The following EPHB3 variants were observed in gnomAD, a reference collection of about 807,000 sequenced individuals.
EPHB3 encodes EPH receptor B3.
Under a neutral mutation model 100.2 loss-of-function variants are expected in EPHB3, and 33 were observed. The observed-to-expected ratio is 0.33, with a 90% confidence interval of 0.25 to 0.44. The LOEUF is 0.44. Among genes scored for constraint, EPHB3 ranks in the 20% least tolerant of loss-of-function variants. The pLI, the probability that EPHB3 is intolerant of heterozygous loss-of-function variation, is 1.00. For missense variants in EPHB3, 1,045 were observed against 1,378.3 expected (o/e 0.76, Z 3.83); for synonymous variants, 526 against 554.7 (o/e 0.95, Z 0.73).
At chr3:184,567,480 G>GGTGT (rs58429187) in intron 1 of EPHB3, among the ~76,000 whole-genome samples, 16,639 of 148,612 alleles carry the variant, frequency 0.11, 948 homozygotes, top group Middle Eastern at 0.16. Context: ...ATGCTTGCAG[G>GGTGT]GTGTGTGTGT....
rs750141705 is a variant in EPHB3, at chr3:184,581,611, G to A, written c.2986G>A (p.Val996Met). 35 of 1,611,024 alleles carry A rather than the reference G, an allele frequency of 2.2e-5. No homozygotes were observed. The highest frequency in any genetic ancestry group is 3.0e-5 in the Non-Finnish European group (35 of 1,178,716). Residue 996 changes from valine (V) to methionine (M), a missense_variant, in exon 16 of 16, where the codon GTG becomes ATG. By Grantham distance (21) the Val-to-Met change is conservative. Coordinates refer to ENST00000330394, the MANE Select transcript of EPHB3 (RefSeq NM_004443.4). The part of the protein sequence containing the change: ...MRLQMNQTLP[V>M]QV ...GCTGCAGATGAACCAGACGCTGCCT[G>A]TGCAGGTCTGACACCGGCTCCCACG... is the stretch of plus-strand genomic sequence containing the variant.
At chr3:184,580,372 G>T in intron 11 of EPHB3, 30 bp from the exon 12 acceptor site, 1 of 1,613,920 alleles carries the variant, frequency 6.2e-7, no homozygotes, top group Non-Finnish European at 8.5e-7. Context: ...GGGAGCAATG[G>T]GCTCACCTGA....
chr3:184,579,614 G>T lies in EPHB3; in HGVS notation c.1924+15G>T, dbSNP rs1714769195. ...GATCGGAGCTGGTGAGTCTCCCGGG[G>T]CACAGTAGAGATGAGAAGCTGAGGC... On this transcript the variant is annotated intron_variant, in intron 10 of 15. Coordinates refer to ENST00000330394, the MANE Select transcript of EPHB3 (RefSeq NM_004443.4). The surrounding 1 kb of genome is among the most constrained non-coding windows in gnomAD (Gnocchi z 5.2). 6.2e-7 allele frequency: 1 copy of T among 1,613,682 alleles called. No homozygotes were observed. The highest frequency in any genetic ancestry group is 1.7e-5 in the Admixed American group (1 of 59,976).
rs1210228292 is a variant in EPHB3 at position 184,573,219 on chromosome 3, T to C, written c.856+43T>C. The C allele has an allele frequency of 6.2e-7, 1 of 1,602,450 alleles. No homozygotes were observed. The highest frequency in any genetic ancestry group is 1.1e-5 in the South Asian group (1 of 90,986). On this transcript the variant is annotated intron_variant, in intron 3 of 15. Transcript: ENST00000330394. The surrounding 1 kb of genome is among the most constrained non-coding windows in gnomAD (Gnocchi z 4.5). The stretch of plus-strand genomic sequence containing the variant: ...TGGGGAAAGGGTTGTCGGGAGGGCC[T>C]GGGCCACAGCTACCTACCGCCCCGC...
chr3:184,570,997 C>G (rs1414497647), intron 1 of EPHB3, among the ~76,000 whole-genome samples: 1 of 151,106 alleles, frequency 6.6e-6, no homozygotes, highest in East Asian at 1.9e-4. Context: ...TCTCTGTTGC[C>G]CAGGGTGGAG....
chr3:184,573,266 T>C lies in EPHB3; in HGVS notation c.856+90T>C. Reference sequence around the variant, plus strand: ...CCGCCCCCCACCCCTGCTTGCTATCTGACTAGGAGGTCTGGGAGCAGGTCC... The same window carrying C: ...CCGCCCCCCACCCCTGCTTGCTATCCGACTAGGAGGTCTGGGAGCAGGTCC... On this transcript the variant is annotated intron_variant, in intron 3 of 15. Transcript: ENST00000330394. This position sits in a 1 kb window ranked among gnomAD's most constrained non-coding sequence, Gnocchi z 4.5. The C allele has an allele frequency of 6.6e-7, 1 of 1,525,396 alleles. No homozygotes were observed. The highest frequency in any genetic ancestry group is 1.2e-5 in the South Asian group (1 of 85,140). 94.5% of individuals were successfully genotyped at this position (1,525,396 alleles called of 1,614,324 possible).
Position 184,573,303 on chromosome 3 carries a change from A to C in EPHB3, c.856+127A>C, listed in dbSNP as rs1263656056. The C allele has an allele frequency of 8.5e-7, 1 of 1,176,796 alleles. No homozygotes were observed. Among genetic ancestry groups the C allele is most frequent in the East Asian group, 2.5e-5 (1 of 39,278 alleles). The allele number at this position is 1,176,796 out of a possible 1,614,324, so 72.9% of individuals were successfully genotyped here. On this transcript the variant is annotated intron_variant, in intron 3 of 15. Transcript: ENST00000330394. This position sits in a 1 kb window ranked among gnomAD's most constrained non-coding sequence, Gnocchi z 4.5. ...CTGGGAGCAGGTCCACAGTGGAGGC[A>C]GGAGAGGGAAGAGTGGGGATCAGAT...
At chr3:184,576,506 A>G (rs758560752) in intron 4 of EPHB3, among the ~76,000 whole-genome samples, 10 of 152,216 alleles carry the variant, frequency 6.6e-5, no homozygotes, top group Non-Finnish European at 1.0e-4. Flanking sequence ...AAAGGAGCTC[A>G]CAACCTGGTG....
In EPHB3 at chr3:184,565,438, T is replaced by C. The variant is rs1714361545; in HGVS notation, c.118+3085T>C. Among the ~76,000 whole-genome samples the C allele has an allele frequency of 6.6e-6, 1 of 152,120 alleles. No individual in the cohort carries two copies. Among genetic ancestry groups the C allele is most frequent in the Admixed American group, 6.5e-5 (1 of 15,278 alleles). The stretch of plus-strand genomic sequence containing the variant: ...AACCCCAGCACCCCTATACTTGGGA[T>C]AGGATGGAGAGATCCCCGCTGGGAA... On this transcript the variant is annotated intron_variant, in intron 1 of 15. Transcript: ENST00000330394. This position sits in a 1 kb window ranked among gnomAD's most constrained non-coding sequence, Gnocchi z 4.8.
intron 1 of EPHB3, among the ~76,000 whole-genome samples, chr3:184,567,480 G>GGGGT (rs1258116924): frequency 6.7e-6 from 1 of 148,664 alleles, no homozygotes; most frequent in Non-Finnish European, 1.5e-5. Flanking sequence ...ATGCTTGCAG[G>GGGGT]GTGTGTGTGT....
Position 184,581,877 on chromosome 3 carries a change from C to T in EPHB3, c.*255C>T, listed in dbSNP as rs1714832015. 1 of 437,316 alleles carries T rather than the reference C, an allele frequency of 2.3e-6. No individual in the cohort carries two copies. Among genetic ancestry groups the T allele is most frequent in the African/African-American group, 2.0e-5 (1 of 50,274 alleles). The allele number at this position is 437,316 out of a possible 1,614,324, so 27.1% of individuals were successfully genotyped here. A position where few individuals can be genotyped will look rare whatever the true frequency, so the allele number is the denominator to read the frequency against. The stretch of plus-strand genomic sequence containing the variant: ...CCAAGCCCCTCAGGGCCCAGACCTT[C>T]CTGCTCTCCAGCAGGGGATCCCCAC... On this transcript the variant is annotated 3_prime_UTR_variant, in exon 16 of 16. Transcript: ENST00000330394.
rs113862738 is a variant in EPHB3 at position 184,578,952 on chromosome 3, G to C, written c.1801+486G>C. 0.036 allele frequency among the ~76,000 whole-genome samples: 5,497 copies of C among 152,166 alleles called. 129 individuals carry two copies. The highest frequency in any genetic ancestry group is 0.078 in the Middle Eastern group (23 of 294). On this transcript the variant is annotated intron_variant, in intron 9 of 15. Coordinates refer to ENST00000330394, the MANE Select transcript of EPHB3 (RefSeq NM_004443.4). This position sits in a 1 kb window ranked among gnomAD's most constrained non-coding sequence, Gnocchi z 4.7. Reference sequence around the variant, plus strand: ...GAAGGAGCCCAACTGTGGGGGCAGCGAGAAGACTGGTTTGACAGCTGCTGG... The same window carrying C: ...GAAGGAGCCCAACTGTGGGGGCAGCCAGAAGACTGGTTTGACAGCTGCTGG...
rs766706107 is a variant in EPHB3, at chr3:184,572,659, G to A, written c.339G>A (p.Val113=). 14 of 1,586,776 alleles carry A rather than the reference G, an allele frequency of 8.8e-6. No individual in the cohort carries two copies. The East Asian group carries it at 2.7e-4, about 30-fold the overall frequency. The stretch of plus-strand genomic sequence containing the variant: ...TCTACGTGGAGCTCAAGTTCACTGT[G>A]CGTGACTGCAACAGCATCCCCAACA... ...QRVYVELKFT[V]RDCNSIPNIP... Residue 113 remains valine (V), a synonymous_variant, in exon 3 of 16, where the codon GTG becomes GTA. Transcript: ENST00000330394. The surrounding 1 kb of genome is among the most constrained non-coding windows in gnomAD (Gnocchi z 6.6).
At position 184,578,889 on chromosome 3, in the gene EPHB3, G is replaced by A. The variant is rs1714750162; in HGVS notation, c.1801+423G>A. The stretch of plus-strand genomic sequence containing the variant: ...TTGGGAGGTGAGGGAGAGCATTCCT[G>A]GCCAGAGGAGCCTCTGGAAGGTAGT... On this transcript the variant is annotated intron_variant, in intron 9 of 15. Coordinates refer to ENST00000330394, the MANE Select transcript of EPHB3 (RefSeq NM_004443.4). This position sits in a 1 kb window ranked among gnomAD's most constrained non-coding sequence, Gnocchi z 4.7. Among the ~76,000 whole-genome samples the A allele has an allele frequency of 6.6e-6, 1 of 152,140 alleles. No homozygotes were observed. The highest frequency in any genetic ancestry group is 2.1e-4 in the South Asian group (1 of 4,832).
In EPHB3 at chr3:184,565,456, G is replaced by A. The variant is rs1471821778; in HGVS notation, c.118+3103G>A. ...CTTGGGATAGGATGGAGAGATCCCC[G>A]CTGGGAAGATATCCTTTTGAGAAAA... On this transcript the variant is annotated intron_variant, in intron 1 of 15. Coordinates refer to ENST00000330394, the MANE Select transcript of EPHB3 (RefSeq NM_004443.4). The surrounding 1 kb of genome is among the most constrained non-coding windows in gnomAD (Gnocchi z 4.8). Among the ~76,000 whole-genome samples, 5 of 152,178 alleles carry A rather than the reference G, an allele frequency of 3.3e-5. No homozygotes were observed. In the East Asian group the frequency reaches 9.6e-4, roughly 29 times the overall value.
chr3:184,575,913 G>A lies in EPHB3; in HGVS notation c.940G>A (p.Ala314Thr). Residue 314 changes from alanine (A) to threonine (T), a missense_variant, in exon 4 of 16, where the codon GCC becomes ACC. Coordinates refer to ENST00000330394, the MANE Select transcript of EPHB3 (RefSeq NM_004443.4). ...CPPNSRTTSP[A>T]ASICTCHNNF... ...CCCCAACAGCCGTACCACCTCCCCA[G>A]CCGCCAGCATCTGCACCTGCCACAA... 6.2e-7 allele frequency: 1 copy of A among 1,613,778 alleles called. No individual in the cohort carries two copies. Among genetic ancestry groups the A allele is most frequent in the Non-Finnish European group, 8.5e-7 (1 of 1,179,896 alleles).
At chr3:184,574,458 C>T (rs11718903) in intron 3 of EPHB3, among the ~76,000 whole-genome samples, 28,899 of 152,174 alleles carry the variant, frequency 0.19, 3,006 homozygotes, top group East Asian at 0.28. Context: ...GAAGCTGGCA[C>T]GGAAGCCTCC....
rs1377817962 is a variant in EPHB3 at position 184,580,866 on chromosome 3, G to C, written c.2526G>C (p.Met842Ile). Residue 842 changes from methionine (M) to isoleucine (I), a missense_variant, in exon 13 of 16, where the codon ATG (methionine) becomes ATC (isoleucine). Coordinates refer to ENST00000330394, the MANE Select transcript of EPHB3 (RefSeq NM_004443.4). Reference protein sequence around the residue: ...MSYGERPYWDMSNQDVINAVE... With the variant: ...MSYGERPYWDISNQDVINAVE... ...ATGGAGAGCGACCCTACTGGGACAT[G>C]AGCAACCAGGATGTGAGTGAGGCTA... The C allele has an allele frequency of 6.2e-7, 1 of 1,613,860 alleles. No individual in the cohort carries two copies. Among genetic ancestry groups the C allele is most frequent in the East Asian group, 2.2e-5 (1 of 44,886 alleles).
chr3:184,572,966 A>G lies in EPHB3; in HGVS notation c.646A>G (p.Thr216Ala), dbSNP rs779865356. 4 of 1,595,978 alleles carry G rather than the reference A, an allele frequency of 2.5e-6. No individual in the cohort carries two copies. The South Asian group carries it at 3.4e-5, about 14-fold the overall frequency. The change falls in exon 3 of 16, where the codon ACC becomes GCC. Residue 216 changes from threonine to alanine, a missense_variant. This residue lies in a region of EPHB3 where 985 missense variants were observed against 1,331.1 expected (regional missense o/e 0.74). Transcript: ENST00000330394. This position sits in a 1 kb window ranked among gnomAD's most constrained non-coding sequence, Gnocchi z 6.6. ...RAFYKKCAST[T>A]AGFALFPETL... The stretch of plus-strand genomic sequence containing the variant: ...CTTCTACAAGAAGTGTGCATCCACC[A>G]CCGCAGGCTTCGCACTCTTCCCCGA...
Sources: allele counts gnomAD v4.1 joint callset (sites outside exome capture counted in the v4.1 genomes callset), GRCh38; gene constraint gnomAD v4.1.1; regional missense constraint gnomAD v4.1.1; non-coding constraint Gnocchi (gnomAD v3.1); transcripts MANE v1.5; gene names NCBI Gene and HGNC (gene_info 2026-07-23, HGNC 2026-07-21).